The following HBS1L variants were observed in gnomAD, a reference collection of about 807,000 sequenced individuals.
The protein encoded by HBS1L is HBS1 like translational GTPase, also known as HBS1-like protein.
Under a neutral mutation model 88.9 loss-of-function variants are expected in HBS1L, and 55 were observed. The ratio of observed to expected loss-of-function variants is 0.62; its 90% CI spans 0.50 to 0.77. The LOEUF (loss-of-function observed/expected upper bound fraction) is 0.77. Among genes scored for constraint, HBS1L ranks in the 30% least tolerant of loss-of-function variants. The pLI, the probability that HBS1L is intolerant of heterozygous loss-of-function variation, is 0.00. For synonymous variants in HBS1L, 267 were observed against 288.5 expected, an observed-to-expected ratio of 0.93 and a Z score of 0.76; for missense variants, 741 against 829.3, an observed-to-expected ratio of 0.89 and a Z score of 1.31.
rs114340542 is a variant in HBS1L, at chr6:134,997,119, G to A, written c.800-177C>T. 1.9e-3 allele frequency among the ~76,000 whole-genome samples: 290 copies of A among 152,008 alleles called. 2 individuals carry two copies. The highest frequency in any genetic ancestry group is 6.4e-3 in the African/African-American group (267 of 41,468). On this transcript the variant is annotated intron_variant, in intron 6 of 17. Coordinates refer to ENST00000367837, the MANE Select transcript of HBS1L (RefSeq NM_006620.4). The stretch of plus-strand genomic sequence containing the variant: ...AAAAAGAGCATATCTCTTTACAGAC[G>A]GGGGGAATTTCTCAGATTTTTGGAA...
At chr6:134,977,025 T>C (rs545173564) in intron 15 of HBS1L, among the ~76,000 whole-genome samples, 21 of 152,174 alleles carry the variant, frequency 1.4e-4, no homozygotes, top group Admixed American at 9.2e-4. Context: ...TATTATGGCA[T>C]TAGTCCCTAA....
chr6:135,033,211 T>C (rs1473875472), intron 4 of HBS1L, among the ~76,000 whole-genome samples: 3 of 152,120 alleles, frequency 2.0e-5, no homozygotes, highest in Non-Finnish European at 4.4e-5. Context: ...ATAATGCAAA[T>C]AAAAACAGCT....
chr6:135,012,953 A>G (rs2114838752), intron 4 of HBS1L, among the ~76,000 whole-genome samples: 1 of 152,340 alleles, frequency 6.6e-6, no homozygotes, highest in African/African-American at 2.4e-5. Context: ...CCAACAGAAT[A>G]AAGCACATAT....
In HBS1L at chr6:135,018,688, CTT is replaced by C. The variant is rs571772378; in HGVS notation, c.431-15848_431-15847del. On this transcript the variant is annotated intron_variant, in intron 4 of 17. Coordinates refer to ENST00000367837, the MANE Select transcript of HBS1L (RefSeq NM_006620.4). ...AAAATATTATTACTGTGACTGAAAA[CTT>C]TGTTGGACTAGAAATAGGACAGCCT... 1.5e-4 allele frequency among the ~76,000 whole-genome samples: 23 copies of C among 151,884 alleles called. No homozygotes were observed. In the South Asian group the frequency reaches 3.1e-3, roughly 21 times the overall value.
chr6:135,005,941 C>T (rs1029847934), intron 4 of HBS1L, among the ~76,000 whole-genome samples: 48 of 152,176 alleles, frequency 3.2e-4, no homozygotes, highest in African/African-American at 1.0e-3. Context: ...GTAACTGCTG[C>T]GCAAAAAGAG....
intron 16 of HBS1L, 38 bp downstream of exon 16, chr6:134,969,200 A>G (rs768266265): frequency 7.1e-7 from 1 of 1,400,216 alleles, no homozygotes. Flanking sequence ...AAATTGGCTT[A>G]AATTGCTTGT....
intron 4 of HBS1L, among the ~76,000 whole-genome samples, chr6:135,029,204 C>G (rs1776319215): frequency 6.6e-6 from 1 of 151,938 alleles, no homozygotes; most frequent in South Asian, 2.1e-4. Flanking sequence ...TTCCAAAACC[C>G]TTAAGAAAAA....
Position 134,987,810 on chromosome 6 carries a change from C to A in HBS1L, c.1084-19G>T, listed in dbSNP as rs192974962. Reference sequence around the variant, plus strand: ...CATCCGCCTAAAGAAGAAAAATAATCGAAGCCAGAAATAATGTTTCAGCAT... The same window carrying A: ...CATCCGCCTAAAGAAGAAAAATAATAGAAGCCAGAAATAATGTTTCAGCAT... On this transcript the variant is annotated intron_variant, in intron 8 of 17. Coordinates refer to ENST00000367837, the MANE Select transcript of HBS1L (RefSeq NM_006620.4). The A allele has an allele frequency of 3.7e-4, 581 of 1,551,990 alleles. 1 individual carries two copies. In the African/African-American group the frequency reaches 7.5e-3, roughly 20 times the overall value.
At position 135,009,516 on chromosome 6, in the gene HBS1L, T is replaced by C. The variant is rs186106529; in HGVS notation, c.431-6674A>G. The stretch of plus-strand genomic sequence containing the variant: ...ATGTGGGCACTCATCAATATACTTT[T>C]AAAGACTATATAAAGTTTAAAAAAA... On this transcript the variant is annotated intron_variant, in intron 4 of 17. Transcript: ENST00000367837. 2.2e-3 allele frequency among the ~76,000 whole-genome samples: 329 copies of C among 152,218 alleles called. 1 individual carries two copies. Among genetic ancestry groups the C allele is most frequent in the African/African-American group, 6.7e-3 (280 of 41,534 alleles).
rs1214875310 is a variant in HBS1L at position 134,982,538 on chromosome 6, G to A, written c.1517C>T (p.Thr506Ile). ...GATATAACCAGCTTCTATTTTACCA[G>A]TTATGCAAAATCCAGATCCTTGATC... ...FKDQGSGFCI[T>I]GKIEAGYIQT... is the part of the protein sequence containing the mutation. The change falls in exon 13 of 18, where the codon ACT becomes ATT. Residue 506 changes from threonine to isoleucine, a missense_variant. Coordinates refer to ENST00000367837, the MANE Select transcript of HBS1L (RefSeq NM_006620.4). The A allele has an allele frequency of 6.2e-7, 1 of 1,609,516 alleles. No individual in the cohort carries two copies. The highest frequency in any genetic ancestry group is 1.3e-5 in the African/African-American group (1 of 74,704).
intron 4 of HBS1L, among the ~76,000 whole-genome samples, chr6:135,003,314 T>C (rs1775517670): frequency 1.3e-5 from 2 of 152,192 alleles, no homozygotes; most frequent in Admixed American, 1.3e-4. Context: ...ATATAGTATA[T>C]ATTTTACTTG....
At chr6:134,987,576 G>A in intron 9 of HBS1L, 69 bp downstream of exon 9, 1 of 1,197,332 alleles carries the variant, frequency 8.4e-7, no homozygotes, top group Non-Finnish European at 1.1e-6. Context: ...TCACATCTAA[G>A]TCATCTATAC....
chr6:135,032,414 A>G (rs886348900), intron 4 of HBS1L, among the ~76,000 whole-genome samples: 1 of 152,178 alleles, frequency 6.6e-6, no homozygotes, highest in Non-Finnish European at 1.5e-5. Flanking sequence ...ATGTCATTAT[A>G]AATATATAGG....
intron 5 of HBS1L, among the ~76,000 whole-genome samples, chr6:135,002,222 C>A (rs1169176587): frequency 2.0e-5 from 3 of 152,120 alleles, no homozygotes; most frequent in Admixed American, 6.5e-5. Context: ...TTTTTCACTA[C>A]ATATTTGAAA....
rs148021768 is a variant in HBS1L at position 134,986,790 on chromosome 6, C to T, written c.1251G>A (p.Arg417=). 1,173 of 1,566,936 alleles carry T rather than the reference C, an allele frequency of 7.5e-4. 2 individuals are homozygous for T. The highest frequency in any genetic ancestry group is 9.6e-4 in the Non-Finnish European group (1,104 of 1,155,026). The change falls in exon 10 of 18, where the codon AGG becomes AGA. Residue 417 remains arginine, a synonymous_variant. Coordinates refer to ENST00000367837, the MANE Select transcript of HBS1L (RefSeq NM_006620.4). The part of the protein sequence containing the change: ...KMDQVNWQQE[R]FQEITGKLGH... The stretch of plus-strand genomic sequence containing the variant: ...CAAGTTTTCCAGTAATCTCTTGAAA[C>T]CTTTCTTGTTGCCAATTAACCTGAT...
chr6:134,966,337 C>A lies in HBS1L; in HGVS notation c.2035G>T (p.Val679Phe). The A allele has an allele frequency of 6.2e-7, 1 of 1,608,690 alleles. No homozygotes were observed. Among genetic ancestry groups the A allele is most frequent in the East Asian group, 2.2e-5 (1 of 44,736 alleles). Residue 679 changes from valine to phenylalanine, a missense_variant, in exon 17 of 18, where the codon GTC becomes TTC. By Grantham distance (50) the Val-to-Phe change is conservative. Transcript: ENST00000367837. ...ACTTTAAAATAAAATACCTCAGTGA[C>A]AACACCAGCAGCTATTGTAGAACCA... ...YGGSTIAAGV[V>F]TEIKE
intron 8 of HBS1L, 137 bp downstream of exon 8, chr6:134,993,621 T>C: frequency 2.4e-6 from 1 of 423,710 alleles, no homozygotes; most frequent in Admixed American, 3.9e-5. Context: ...TTGCTCTTTT[T>C]GTTCAAGCTT....
Position 134,993,691 on chromosome 6 carries a change from A to T in HBS1L, c.1083+67T>A. Reference sequence around the variant, plus strand: ...TAAAAGTCAAAATCCTAGAATTGTAACCTCAGCATCAGAAAATTTTATGTA... The same window carrying T: ...TAAAAGTCAAAATCCTAGAATTGTATCCTCAGCATCAGAAAATTTTATGTA... On this transcript the variant is annotated intron_variant, in intron 8 of 17. Coordinates refer to ENST00000367837, the MANE Select transcript of HBS1L (RefSeq NM_006620.4). The T allele has an allele frequency of 4.9e-6, 3 of 608,862 alleles. No homozygotes were observed. In the East Asian group the frequency reaches 8.8e-5, roughly 18 times the overall value. 37.7% of individuals were successfully genotyped at this position (608,862 alleles called of 1,614,324 possible).
chr6:135,039,982 A>G (rs535412828), intron 3 of HBS1L, among the ~76,000 whole-genome samples: 3 of 152,310 alleles, frequency 2.0e-5, no homozygotes, highest in South Asian at 4.1e-4. Flanking sequence ...AATCACTATA[A>G]TAAAATGTCT....
Sources: allele counts gnomAD v4.1 joint callset (sites outside exome capture counted in the v4.1 genomes callset), GRCh38; gene constraint gnomAD v4.1.1; transcripts MANE v1.5; gene names NCBI Gene and HGNC (gene_info 2026-07-23, HGNC 2026-07-21).